ZDHHC14: variants seen among roughly 807,000 people sequenced by gnomAD.
ZDHHC14 encodes palmitoyltransferase ZDHHC14.
In ZDHHC14, 16 loss-of-function variants were observed where a neutral mutation model predicts 47.7. The observed-to-expected ratio is 0.34, with a 90% CI of 0.23 to 0.51. The LOEUF (loss-of-function observed/expected upper bound fraction) is 0.51, where lower values mean the gene tolerates loss of function less well. Ranked by LOEUF, ZDHHC14 falls within the 20% of genes least tolerant of loss-of-function variation. The pLI is 0.97. For synonymous variants in ZDHHC14, 293 were observed against 278.9 expected (o/e 1.05, Z -0.50); for missense variants, 515 against 662.5 (o/e 0.78, Z 2.44).
In ZDHHC14 at chr6:157,672,906, C is replaced by T; in HGVS notation, c.1251C>T (p.Asn417=). The T allele has an allele frequency of 6.2e-7, 1 of 1,605,600 alleles. No individual in the cohort carries two copies. Among genetic ancestry groups the T allele is most frequent in the Non-Finnish European group, 8.5e-7 (1 of 1,177,420 alleles). ...CCACACCGCCCGCCTCCATGCCCAA[C>T]CTCGCCGAGGCCACGCTCGCGGACG... ...GPPTPPASMP[N]LAEATLADVM... The change falls in exon 9 of 9, where the codon AAC becomes AAT. Residue 417 remains asparagine (N), a synonymous_variant. Coordinates refer to ENST00000359775, the MANE Select transcript of ZDHHC14 (RefSeq NM_024630.3).
chr6:157,446,089 G>T (rs980035237), intron 1 of ZDHHC14, among the ~76,000 whole-genome samples: 1 of 152,098 alleles, frequency 6.6e-6, no homozygotes, highest in African/African-American at 2.4e-5. Context: ...ATAATTCAAG[G>T]TGACCATGCT....
In ZDHHC14 at chr6:157,625,922, C is replaced by T. The variant is rs142901258; in HGVS notation, c.566-2427C>T. ...GAGTTCACACTCATCTCTAAGACGG[C>T]GCTGGTTTCCCAAGAAGCTCCCAGA... On this transcript the variant is annotated intron_variant, in intron 3 of 8. Coordinates refer to ENST00000359775, the MANE Select transcript of ZDHHC14 (RefSeq NM_024630.3). Among the ~76,000 whole-genome samples, 175 of 152,242 alleles carry T rather than the reference C, an allele frequency of 1.1e-3. 2 individuals are homozygous for T. Among genetic ancestry groups the T allele is most frequent in the African/African-American group, 4.0e-3 (166 of 41,554 alleles).
At chr6:157,634,707 C>T (rs1457710095) in intron 5 of ZDHHC14, among the ~76,000 whole-genome samples, 1 of 152,274 alleles carries the variant, frequency 6.6e-6, no homozygotes, top group South Asian at 2.1e-4. Flanking sequence ...CTTCAGCCAA[C>T]TCCCCCCAAT....
chr6:157,543,570 C>G (rs1042560969), intron 2 of ZDHHC14, among the ~76,000 whole-genome samples: 15 of 152,182 alleles, frequency 9.9e-5, no homozygotes, highest in African/African-American at 3.6e-4. Context: ...GCAGCCTTCA[C>G]TAAAGCTGGA....
intron 7 of ZDHHC14, among the ~76,000 whole-genome samples, chr6:157,650,860 C>A (rs1777798606): frequency 2.0e-5 from 3 of 152,200 alleles, no homozygotes; most frequent in African/African-American, 7.2e-5. Flanking sequence ...AGCTTGCTGG[C>A]CAACAGTGAG....
chr6:157,677,187 T>G lies in ZDHHC14; in HGVS notation c.*4065T>G, dbSNP rs1778982981. The G allele has an allele frequency of 1.3e-5, 2 of 150,316 alleles. No individual in the cohort carries two copies. The highest frequency in any genetic ancestry group is 2.9e-5 in the Non-Finnish European group (2 of 67,884). The allele number at this position is 150,316 out of a possible 1,614,324, so 9.3% of individuals were successfully genotyped here. On this transcript the variant is annotated 3_prime_UTR_variant, in exon 9 of 9. Transcript: ENST00000359775. ...CCTATTCCTCTTGGTCCCCTCCACCTATTTTGGAGGTCTGCATGTGGAGTT... is the reference window on the plus strand; with the variant it reads ...CCTATTCCTCTTGGTCCCCTCCACCGATTTTGGAGGTCTGCATGTGGAGTT...
intron 1 of ZDHHC14, among the ~76,000 whole-genome samples, chr6:157,542,023 C>T (rs2114803876): frequency 6.6e-6 from 1 of 152,298 alleles, no homozygotes; most frequent in Middle Eastern, 3.4e-3. Context: ...TTCCATAGCT[C>T]ATTCACTTTG....
intron 1 of ZDHHC14, among the ~76,000 whole-genome samples, chr6:157,452,816 C>T (rs1235263972): frequency 6.9e-6 from 1 of 145,394 alleles, no homozygotes; most frequent in African/African-American, 2.6e-5. Flanking sequence ...GATTCTCGTG[C>T]TTCCATCTCC....
chr6:157,599,416 C>T (rs1784257989), intron 3 of ZDHHC14, among the ~76,000 whole-genome samples: 1 of 152,216 alleles, frequency 6.6e-6, no homozygotes, highest in Admixed American at 6.5e-5. Context: ...GACCACAACT[C>T]CGGATTCAGA....
In ZDHHC14 at chr6:157,660,261, C is replaced by T. The variant is rs1212607117; in HGVS notation, c.1068+6634C>T. ...AGGCTGGAGTGCAGTGGCACAGTCT[C>T]GGCTCACTGCAACCTCCACCTCCCG... is the stretch of plus-strand genomic sequence containing the variant. On this transcript the variant is annotated intron_variant, in intron 8 of 8. Coordinates refer to ENST00000359775, the MANE Select transcript of ZDHHC14 (RefSeq NM_024630.3). 3.3e-5 allele frequency among the ~76,000 whole-genome samples: 5 copies of T among 150,930 alleles called. No homozygotes were observed. In the South Asian group the frequency reaches 8.4e-4, roughly 25 times the overall value.
chr6:157,528,603 G>A lies in ZDHHC14; in HGVS notation c.246-13982G>A, dbSNP rs573070752. Among the ~76,000 whole-genome samples the A allele has an allele frequency of 5.8e-4, 89 of 152,144 alleles. 1 individual carries two copies. The highest frequency in any genetic ancestry group is 2.1e-3 in the African/African-American group (88 of 41,504). On this transcript the variant is annotated intron_variant, in intron 1 of 8. Coordinates refer to ENST00000359775, the MANE Select transcript of ZDHHC14 (RefSeq NM_024630.3). Reference sequence around the variant, plus strand: ...AGAAATTAGCCAGGCGTGGTGGCAGGTGCCTGTAGTCCCAGCTACTCGGGA... The same window carrying A: ...AGAAATTAGCCAGGCGTGGTGGCAGATGCCTGTAGTCCCAGCTACTCGGGA...
At chr6:157,617,879 GT>G in intron 3 of ZDHHC14, among the ~76,000 whole-genome samples, 2 of 152,264 alleles carry the variant, frequency 1.3e-5, no homozygotes, top group East Asian at 3.9e-4. Context: ...TACCACCTCT[GT>G]CACAGGGTAG....
In ZDHHC14 at chr6:157,628,275, C is replaced by A. The variant is rs533037308; in HGVS notation, c.566-74C>A. 5.9e-5 allele frequency: 80 copies of A among 1,358,426 alleles called. No individual in the cohort carries two copies. The African/African-American group carries it at 1.2e-3, about 20-fold the overall frequency. 84.1% of individuals were successfully genotyped at this position (1,358,426 alleles called of 1,614,324 possible). ...CTATCAGAGTATTGGGTGGGAGGGG[C>A]GGGGCTCCTGCAAGTAAAAAGACAT... On this transcript the variant is annotated intron_variant, in intron 3 of 8. Transcript: ENST00000359775.
intron 1 of ZDHHC14, among the ~76,000 whole-genome samples, chr6:157,521,803 T>C (rs1215995787): frequency 1.3e-5 from 2 of 152,178 alleles, no homozygotes; most frequent in Non-Finnish European, 2.9e-5. Flanking sequence ...AGGTGCTCAT[T>C]GTGAAATCTC....
intron 8 of ZDHHC14, among the ~76,000 whole-genome samples, chr6:157,655,644 G>A (rs1778052172): frequency 6.6e-6 from 1 of 152,362 alleles, no homozygotes; most frequent in South Asian, 2.1e-4. Context: ...CCCTCTGTGT[G>A]TTGAGGACTA....
intron 1 of ZDHHC14, among the ~76,000 whole-genome samples, chr6:157,486,482 A>G (rs1007456830): frequency 2.6e-5 from 4 of 152,248 alleles, no homozygotes; most frequent in Admixed American, 2.6e-4. Flanking sequence ...TTCTGTGTGT[A>G]TGTTTTTAAT....
At chr6:157,570,590 T>C (rs1448759693) in intron 2 of ZDHHC14, among the ~76,000 whole-genome samples, 1 of 152,140 alleles carries the variant, frequency 6.6e-6, no homozygotes, top group Non-Finnish European at 1.5e-5. Context: ...TTGGCATCCA[T>C]GTGGAAAAAA....
intron 3 of ZDHHC14, among the ~76,000 whole-genome samples, chr6:157,617,572 G>A (rs185082576): frequency 7.5e-4 from 114 of 152,234 alleles, no homozygotes; most frequent in Middle Eastern, 3.4e-3. Context: ...ATGCCAATTG[G>A]GAATACAACT....
chr6:157,535,823 A>G (rs1357983824), intron 1 of ZDHHC14, among the ~76,000 whole-genome samples: 1 of 152,046 alleles, frequency 6.6e-6, no homozygotes, highest in Non-Finnish European at 1.5e-5. Flanking sequence ...TTTTTCCTCT[A>G]TTTGTCTCCA....
Sources: allele counts gnomAD v4.1 joint callset (sites outside exome capture counted in the v4.1 genomes callset), GRCh38; gene constraint gnomAD v4.1.1; transcripts MANE v1.5; gene names NCBI Gene and HGNC (gene_info 2026-07-23, HGNC 2026-07-21).